ALG1: variants seen among roughly 807,000 people sequenced by gnomAD.
ALG1 encodes the protein ALG1 chitobiosyldiphosphodolichol beta-mannosyltransferase.
ALG1 carries 58 observed loss-of-function variants against 55.1 expected under a neutral mutation model. That is an observed-to-expected ratio of 1.05 (90% confidence interval 0.85 to 1.31). The LOEUF (loss-of-function observed/expected upper bound fraction) is 1.31. ALG1 is among the 50% of genes most tolerant of loss of function. ALG1 has a pLI of 0.00. For synonymous variants in ALG1, 309 were observed against 247.0 expected (o/e 1.25, Z -2.35); for missense variants, 761 against 598.6 (o/e 1.27, Z -2.83).
chr16:5,084,593 G>C, intron 12 of ALG1, 157 bp from the exon 13 acceptor site: 1 of 1,151,258 alleles, frequency 8.7e-7, no homozygotes, highest in Non-Finnish European at 1.2e-6. Context: ...TGGAGGCGGA[G>C]TGCTGCTGGG....
chr16:5,082,493 G>A lies in ALG1; in HGVS notation c.1073-66G>A, dbSNP rs1957032653. 2.9e-5 allele frequency: 45 copies of A among 1,538,828 alleles called. 1 individual carries two copies. The South Asian group carries it at 4.9e-4, about 17-fold the overall frequency. On this transcript the variant is annotated intron_variant, in intron 10 of 12. Coordinates refer to ENST00000262374, the MANE Select transcript of ALG1 (RefSeq NM_019109.5). ...TCTCCTTGGGGGATGCTGCCTCACTGTGCTGGGAGGATTTGTGTTCCCAGG... is the reference window on the plus strand; with the variant it reads ...TCTCCTTGGGGGATGCTGCCTCACTATGCTGGGAGGATTTGTGTTCCCAGG...
rs1419210474 is a variant in ALG1 at position 5,071,945 on chromosome 16, C to A, written c.96C>A (p.Ala32=). The A allele has an allele frequency of 2.5e-6, 4 of 1,587,824 alleles. No individual in the cohort carries two copies. The highest frequency in any genetic ancestry group is 1.8e-5 in the Admixed American group (1 of 56,194). The change falls in exon 1 of 13, where the codon GCC becomes GCA. Residue 32 remains alanine, a synonymous_variant. Coordinates refer to ENST00000262374, the MANE Select transcript of ALG1 (RefSeq NM_019109.5). The part of the protein sequence containing the change: ...GWKRWRRGRA[A]RHVVAVVLGD... Reference sequence around the variant, plus strand: ...AGCGCTGGCGCCGGGGGCGGGCGGCCCGGCATGTAGTAGCGGTGGTGCTGG... The same window carrying A: ...AGCGCTGGCGCCGGGGGCGGGCGGCACGGCATGTAGTAGCGGTGGTGCTGG...
At position 5,082,435 on chromosome 16, in the gene ALG1, T is replaced by A. The variant is rs1194761708; in HGVS notation, c.1073-124T>A. 4.9e-6 allele frequency: 5 copies of A among 1,011,000 alleles called. No individual in the cohort carries two copies. In the African/African-American group the frequency reaches 6.4e-5, roughly 13 times the overall value. The allele number at this position is 1,011,000 out of a possible 1,614,324, so 62.6% of individuals were successfully genotyped here. ...CTTGGCCAGCTTAAGCCACTTGTGT[T>A]TGGGGCTGTTGGGGGCCTTATCTGA... On this transcript the variant is annotated intron_variant, in intron 10 of 12. Transcript: ENST00000262374.
chr16:5,077,246 T>C (rs1956929301), intron 4 of ALG1, among the ~76,000 whole-genome samples, 199 bp from the exon 5 acceptor site: 2 of 152,104 alleles, frequency 1.3e-5, no homozygotes, highest in Admixed American at 1.3e-4. Flanking sequence ...TTTAAAGTGA[T>C]TGTATTTAAG....
chr16:5,080,821 C>T, intron 9 of ALG1, 125 bp from the exon 10 acceptor site: 2 of 1,341,528 alleles, frequency 1.5e-6, no homozygotes, highest in Admixed American at 1.8e-5. Context: ...TGGGGCCTGA[C>T]TGGAGCTGCT....
At chr16:5,084,679 C>G in intron 12 of ALG1, 71 bp from the exon 13 acceptor site, 8 of 1,592,388 alleles carry the variant, frequency 5.0e-6, no homozygotes, top group Non-Finnish European at 6.8e-6. Flanking sequence ...GACCTGGGGT[C>G]AGCCAGGTGG....
chr16:5,078,281 C>A, intron 6 of ALG1: 1 of 670,054 alleles, frequency 1.5e-6, no homozygotes, highest in South Asian at 1.5e-5. Context: ...GAAGTATTTA[C>A]TCTCTGGCCC....
chr16:5,085,882 C>T lies in ALG1; in HGVS notation c.*1001C>T. The T allele has an allele frequency of 1.4e-6, 1 of 694,840 alleles. No individual in the cohort carries two copies. The highest frequency in any genetic ancestry group is 2.6e-6 in the Non-Finnish European group (1 of 377,586). The allele number at this position is 694,840 out of a possible 1,614,324, so 43.0% of individuals were successfully genotyped here. A position where few individuals can be genotyped will look rare whatever the true frequency, so the allele number is the denominator to read the frequency against. On this transcript the variant is annotated 3_prime_UTR_variant, in exon 13 of 13. Coordinates refer to ENST00000262374, the MANE Select transcript of ALG1 (RefSeq NM_019109.5). ...ACAGGTTCCCAGGCCCACCCAGGTGCCTAGAATTGGCCTCCAGGATGGGAC... is the reference window on the plus strand; with the variant it reads ...ACAGGTTCCCAGGCCCACCCAGGTGTCTAGAATTGGCCTCCAGGATGGGAC...
chr16:5,077,583 G>C (rs1428176304), intron 5 of ALG1, 49 bp downstream of exon 5: 2 of 1,569,254 alleles, frequency 1.3e-6, no homozygotes, highest in Non-Finnish European at 1.8e-6. Context: ...CGGGGCCCCT[G>C]ATTGGCTGCA....
Position 5,083,706 on chromosome 16 carries a change from A to G in ALG1, c.1212A>G (p.Glu404=). The stretch of plus-strand genomic sequence containing the variant: ...GTTTACATGAGCTGGTGAAACATGA[A>G]GAAAATGGCCTGGTCTTTGAGGACT... ...FKCLHELVKH[E]ENGLVFEDSE... Residue 404 remains glutamate (E), a synonymous_variant, in exon 12 of 13, where the codon GAA becomes GAG. Transcript: ENST00000262374. 6.3e-7 allele frequency: 1 copy of G among 1,599,838 alleles called. No individual in the cohort carries two copies. The highest frequency in any genetic ancestry group is 2.2e-5 in the East Asian group (1 of 44,872).
chr16:5,078,883 G>A lies in ALG1; in HGVS notation c.862+5G>A. Reference sequence around the variant, plus strand: ...TCAGCAGCACGAGCTGGACAGGTCTGCAGGACCCCTGGGGCACTTGGGGTT... The same window carrying A: ...TCAGCAGCACGAGCTGGACAGGTCTACAGGACCCCTGGGGCACTTGGGGTT... On this transcript the variant is annotated splice_donor_5th_base_variant and intron_variant, in intron 7 of 12. Coordinates refer to ENST00000262374, the MANE Select transcript of ALG1 (RefSeq NM_019109.5). 6.2e-7 allele frequency: 1 copy of A among 1,611,230 alleles called. No homozygotes were observed. The highest frequency in any genetic ancestry group is 2.2e-4 in the Middle Eastern group (1 of 4,462).
intron 9 of ALG1, among the ~76,000 whole-genome samples, chr16:5,080,744 CA>C (rs1957001537): frequency 6.6e-6 from 1 of 152,206 alleles, no homozygotes; most frequent in African/African-American, 2.4e-5. Context: ...GGCTATGCGT[CA>C]GGGGTCAGGG....
rs775907129 is a variant in ALG1, at chr16:5,080,969, T to C, written c.985T>C (p.Tyr329His). The C allele has an allele frequency of 1.9e-6, 3 of 1,596,284 alleles. No individual in the cohort carries two copies. Among genetic ancestry groups the C allele is most frequent in the Non-Finnish European group, 1.7e-6 (2 of 1,179,704 alleles). ...ITGKGPLREY[Y>H]SRLIHQKHFQ... ...AGGCAAAGGGCCTCTGAGGGAGTAT[T>C]ATAGCCGCCTCATCCACCAGAAGCA... is the stretch of plus-strand genomic sequence containing the variant. The change falls in exon 10 of 13, where the codon TAT becomes CAT. Residue 329 changes from tyrosine (Y) to histidine (H), a missense_variant. Tyr to His is a moderately conservative substitution (Grantham distance 83). Coordinates refer to ENST00000262374, the MANE Select transcript of ALG1 (RefSeq NM_019109.5).
At chr16:5,072,799 C>T (rs529649966) in intron 1 of ALG1, 152 bp from the exon 2 acceptor site, 55 of 806,410 alleles carry the variant, frequency 6.8e-5, no homozygotes, top group Middle Eastern at 3.4e-4. Context: ...AAGAATTGGC[C>T]GCATTCTCTG....
At chr16:5,073,698 A>G (rs940437262) in intron 3 of ALG1, among the ~76,000 whole-genome samples, 2 of 152,224 alleles carry the variant, frequency 1.3e-5, no homozygotes, top group Admixed American at 1.3e-4. Context: ...ACGCACGCAT[A>G]CGCGCGCACA....
chr16:5,082,621 G>C lies in ALG1; in HGVS notation c.1135G>C (p.Val379Leu). 6.2e-7 allele frequency: 1 copy of C among 1,612,024 alleles called. No homozygotes were observed. The highest frequency in any genetic ancestry group is 8.5e-7 in the Non-Finnish European group (1 of 1,179,866). Residue 379 changes from valine (V) to leucine (L), a missense_variant, in exon 11 of 13, where the codon GTG becomes CTG. Transcript: ENST00000262374. The part of the protein sequence containing the change: ...SSSGLDLPMK[V>L]VDMFGCCLPV... ...CAGTGGCCTGGACCTGCCCATGAAGGTGGTGGACATGTTCGGGTGCTGTTT... is the reference window on the plus strand; with the variant it reads ...CAGTGGCCTGGACCTGCCCATGAAGCTGGTGGACATGTTCGGGTGCTGTTT...
rs1956850218 is a variant in ALG1, at chr16:5,073,190, A to G, written c.324A>G (p.Val108=). 1 of 1,614,104 alleles carries G rather than the reference A, an allele frequency of 6.2e-7. No homozygotes were observed. The part of the protein sequence containing the change: ...PRVFQYGVKV[V]LQAMYLLWKL... ...TTTTCCAGTACGGAGTCAAAGTTGT[A>G]CTTCAGGCTATGTACTTGCTGTGGA... The change falls in exon 3 of 13, where the codon GTA becomes GTG. Residue 108 remains valine (V), a synonymous_variant. Transcript: ENST00000262374.
chr16:5,074,417 T>A (rs1258871502), intron 3 of ALG1, among the ~76,000 whole-genome samples: 3 of 152,234 alleles, frequency 2.0e-5, no homozygotes, highest in African/African-American at 7.2e-5. Context: ...CCCAGATTGC[T>A]GGGATTACAG....
intron 4 of ALG1, among the ~76,000 whole-genome samples, chr16:5,077,163 A>T (rs1956928251): frequency 2.0e-5 from 3 of 151,882 alleles, no homozygotes; most frequent in Admixed American, 2.0e-4. Flanking sequence ...TTATTTTTTT[A>T]AATTTGTATT....
Sources: allele counts gnomAD v4.1 joint callset (sites outside exome capture counted in the v4.1 genomes callset), GRCh38; gene constraint gnomAD v4.1.1; transcripts MANE v1.5; gene names NCBI Gene and HGNC (gene_info 2026-07-23, HGNC 2026-07-21).